FOXP2: variants seen among roughly 807,000 people sequenced by gnomAD.
The protein encoded by FOXP2 is forkhead box protein P2.
In FOXP2, 12 loss-of-function variants were observed where a neutral mutation model predicts 115.8. The ratio of observed to expected loss-of-function variants is 0.10; its 90% CI spans 0.07 to 0.17. The LOEUF is 0.17. FOXP2 is among the 10% of genes least tolerant of loss of function. The pLI, the probability that FOXP2 is intolerant of heterozygous loss-of-function variation, is 1.00. For missense variants in FOXP2, 629 were observed against 843.5 expected (o/e 0.75, Z 3.15); for synonymous variants, 328 against 297.7 (o/e 1.10, Z -1.05).
chr7:114,523,336 G>A (rs947833512), intron 2 of FOXP2, among the ~76,000 whole-genome samples: 4 of 152,116 alleles, frequency 2.6e-5, no homozygotes, highest in Non-Finnish European at 4.4e-5. Context: ...TCTTTTAGAT[G>A]TTCTGAGCTC....
chr7:114,389,201 G>T lies in FOXP2; in HGVS notation c.-10-37301G>T, dbSNP rs368828672. Among the ~76,000 whole-genome samples the T allele has an allele frequency of 1.2e-4, 18 of 152,274 alleles. No homozygotes were observed. In the East Asian group the frequency reaches 3.1e-3, roughly 26 times the overall value. ...TGTATCCTGATGAAATAAAGATACT[G>T]TTCCAAAATGAACTCAGTAAAACTA... On this transcript the variant is annotated intron_variant, in intron 2 of 17. Coordinates refer to the FOXP2 transcript ENST00000634411.
chr7:114,261,406 G>A (rs1795746072), intron 1 of FOXP2, among the ~76,000 whole-genome samples: 1 of 152,078 alleles, frequency 6.6e-6, no homozygotes, highest in East Asian at 1.9e-4. Flanking sequence ...TGTTACCTCT[G>A]CACTCCTATT....
At chr7:114,336,861 TTGCA>T (rs200015062) in intron 2 of FOXP2, among the ~76,000 whole-genome samples, 1,810 of 151,602 alleles carry the variant, frequency 0.012, 27 homozygotes, top group African/African-American at 0.032. Context: ...TGCAAATCAC[TTGCA>T]ATTTCCAAAT....
intron 1 of FOXP2, among the ~76,000 whole-genome samples, chr7:114,136,241 TTTC>T (rs1792035180): frequency 6.6e-6 from 1 of 152,206 alleles, no homozygotes; most frequent in South Asian, 2.1e-4. Flanking sequence ...ATAACATTTA[TTTC>T]TTCTTCTGTG....
intron 2 of FOXP2, among the ~76,000 whole-genome samples, chr7:114,476,805 T>C (rs893861094): frequency 6.6e-6 from 1 of 151,996 alleles, no homozygotes; most frequent in Admixed American, 6.6e-5. Context: ...TTCAGCGGTG[T>C]TTTGTAGTTC....
chr7:114,653,129 A>G (rs978638560), intron 9 of FOXP2, among the ~76,000 whole-genome samples: 1 of 152,088 alleles, frequency 6.6e-6, no homozygotes, highest in Non-Finnish European at 1.5e-5. Context: ...TGCTTTTTTC[A>G]GAGAGCTTAC....
intron 2 of FOXP2, among the ~76,000 whole-genome samples, chr7:114,528,504 T>A (rs894592230): frequency 8.6e-5 from 13 of 152,022 alleles, no homozygotes; most frequent in Admixed American, 5.2e-4. Flanking sequence ...TGGGATATAG[T>A]CACAAACATT....
Position 114,291,988 on chromosome 7 carries a change from A to G in FOXP2, c.-11+3879A>G, listed in dbSNP as rs1036862485. Among the ~76,000 whole-genome samples the G allele has an allele frequency of 7.3e-4, 94 of 128,904 alleles. 9 individuals are homozygous for G. Among genetic ancestry groups the G allele is most frequent in the African/African-American group, 2.8e-3 (76 of 27,268 alleles). 84.6% of individuals were successfully genotyped at this position (128,904 alleles called of 152,430 possible). On this transcript the variant is annotated intron_variant, in intron 2 of 17. Transcript: ENST00000634411. ...ATATATTATAGATAATATATAGAAT[A>G]TATATTATAGATAATATATAGATAT...
chr7:114,474,242 T>G (rs1796162200), intron 2 of FOXP2, among the ~76,000 whole-genome samples: 1 of 152,188 alleles, frequency 6.6e-6, no homozygotes, highest in African/African-American at 2.4e-5. Flanking sequence ...TTAATTAAAA[T>G]GAAATCTAAA....
intron 1 of FOXP2, among the ~76,000 whole-genome samples, chr7:114,156,530 C>T (rs550995126): frequency 7.9e-5 from 12 of 152,238 alleles, no homozygotes; most frequent in Admixed American, 7.9e-4. Context: ...GACCGGGAGA[C>T]CCATTCCCAC....
Position 114,123,364 on chromosome 7 carries a change from A to G in FOXP2, c.-247+35526A>G, listed in dbSNP as rs186673348. Among the ~76,000 whole-genome samples the G allele has an allele frequency of 4.2e-3, 635 of 151,202 alleles. 4 individuals carry two copies. The highest frequency in any genetic ancestry group is 0.013 in the African/African-American group (555 of 41,302). ...GCAAAGCCCTGTCAAAAAAAAAAAA[A>G]AAAGAAAGAAAGAAAGAAAAGCAAC... On this transcript the variant is annotated intron_variant, in intron 1 of 19. Coordinates refer to the FOXP2 transcript ENST00000635638.
At chr7:114,386,291 G>T (rs1228254535) in intron 2 of FOXP2, among the ~76,000 whole-genome samples, 1 of 152,102 alleles carries the variant, frequency 6.6e-6, no homozygotes, top group African/African-American at 2.4e-5. Flanking sequence ...ACAAAGGGAG[G>T]GAACCCAAAG....
intron 1 of FOXP2, among the ~76,000 whole-genome samples, chr7:114,197,375 T>C (rs1793940561): frequency 6.6e-6 from 1 of 152,130 alleles, no homozygotes. Flanking sequence ...AATGGTCAGG[T>C]TCTGGTGAAG....
chr7:114,644,910 A>C (rs1015159797), intron 8 of FOXP2, 121 bp downstream of exon 8: 3 of 756,568 alleles, frequency 4.0e-6, no homozygotes, highest in Admixed American at 4.6e-5. Flanking sequence ...GTCATACTTC[A>C]AGATTTTTGT....
chr7:114,289,752 T>C (rs895949782), intron 2 of FOXP2, among the ~76,000 whole-genome samples: 2 of 151,996 alleles, frequency 1.3e-5, no homozygotes, highest in Non-Finnish European at 2.9e-5. Context: ...TATGTGCTTA[T>C]AGTGGCAGTT....
In FOXP2 at chr7:114,555,308, C is replaced by T. The variant is rs545709495; in HGVS notation, c.258+20602C>T. ...GAAGTGAATTCAAGTCAGTCTGATT[C>T]GAAACCATGTGCCTTTTACTCCTTT... On this transcript the variant is annotated intron_variant, in intron 3 of 16. Transcript: ENST00000350908. Among the ~76,000 whole-genome samples, 337 of 152,240 alleles carry T rather than the reference C, an allele frequency of 2.2e-3. 1 individual carries two copies. The highest frequency in any genetic ancestry group is 2.5e-3 in the Non-Finnish European group (170 of 68,012).
intron 1 of FOXP2, among the ~76,000 whole-genome samples, chr7:114,243,476 T>C (rs56253958): frequency 0.14 from 21,869 of 152,080 alleles, 2,262 homozygotes; most frequent in Non-Finnish European, 0.22. Flanking sequence ...GTGAGTGATA[T>C]TTTTAGTGGG....
In FOXP2 at chr7:114,433,866, G is replaced by T. The variant is rs1794221586; in HGVS notation, c.168+7187G>T. 7.2e-5 allele frequency among the ~76,000 whole-genome samples: 11 copies of T among 151,974 alleles called. No homozygotes were observed. The South Asian group carries it at 2.3e-3, about 32-fold the overall frequency. On this transcript the variant is annotated intron_variant, in intron 2 of 16. Coordinates refer to ENST00000350908, the MANE Select transcript of FOXP2 (RefSeq NM_014491.4). ...TTACATGAATATTAGTCATTAATTAGAAAATGATTCAGAAAATAGTGATCT... is the reference window on the plus strand; with the variant it reads ...TTACATGAATATTAGTCATTAATTATAAAATGATTCAGAAAATAGTGATCT...
chr7:114,176,140 G>T (rs1793282082), intron 1 of FOXP2, among the ~76,000 whole-genome samples: 1 of 151,592 alleles, frequency 6.6e-6, no homozygotes, highest in South Asian at 2.1e-4. Context: ...ATGTTTAGGG[G>T]ATTTATAAAC....
Sources: gnomAD v4.1 joint callset for allele counts (sites outside exome capture counted in the v4.1 genomes callset) on GRCh38, gnomAD v4.1.1 for gene constraint, MANE v1.5 for transcripts, NCBI Gene and HGNC (gene_info 2026-07-23, HGNC 2026-07-21) for gene names.